LSS: variants seen among roughly 807,000 people sequenced by gnomAD.
LSS encodes the protein 2,3-epoxysqualene-lanosterol cyclase.
A neutral mutation model predicts 110.3 loss-of-function variants in LSS; 90 were observed. The observed-to-expected ratio is 0.82, with a 90% CI of 0.69 to 0.97. The LOEUF (loss-of-function observed/expected upper bound fraction) is 0.97. LSS is among the 50% of genes least tolerant of loss of function. The pLI is 0.00. For missense variants in LSS, 927 were observed against 990.0 expected (o/e 0.94, Z 0.85); for synonymous variants, 433 against 400.0 (o/e 1.08, Z -0.98).
rs927002557 is a variant in LSS, at chr21:46,208,434, A to C, written c.1267-133T>G. 16 of 796,932 alleles carry C rather than the reference A, an allele frequency of 2.0e-5. No homozygotes were observed. In the East Asian group the frequency reaches 4.0e-4, roughly 20 times the overall value. The allele number at this position is 796,932 out of a possible 1,614,324, so 49.4% of individuals were successfully genotyped here. A position where few individuals can be genotyped will look rare whatever the true frequency, so the allele number is the denominator to read the frequency against. ...TGCCTGGGAGCTTACTCTGCCGGCC[A>C]CAGCCACCACTGGTGCTGCGAGGCG... is the stretch of plus-strand genomic sequence containing the variant. On this transcript the variant is annotated intron_variant, in intron 13 of 21. Transcript: ENST00000397728.
chr21:46,195,607 G>T, intron 19 of LSS, 69 bp downstream of exon 19: 1 of 1,388,194 alleles, frequency 7.2e-7, no homozygotes, highest in Non-Finnish European at 1.0e-6. Context: ...AAATGTCAAA[G>T]CAAAAAACAC....
chr21:46,225,403 C>T (rs1601453140), intron 3 of LSS: 5 of 449,646 alleles, frequency 1.1e-5, no homozygotes, highest in East Asian at 1.4e-4. Context: ...CTAGCGGTAG[C>T]GTCAGTGTCA....
rs2079821581 is a variant in LSS at position 46,191,921 on chromosome 21, C to T, written c.2027G>A (p.Cys676Tyr). 1 of 1,613,664 alleles carries T rather than the reference C, an allele frequency of 6.2e-7. No homozygotes were observed. Reference protein sequence around the residue: ...DIEAQERGVRCLLEKQLPNGD... With the variant: ...DIEAQERGVRYLLEKQLPNGD... ...ATTGGGGAGCTGTTTCTCAAGTAGA[C>T]ACCGGACTCCTCTCTCCTGGGCCTC... The change falls in exon 21 of 22, where the codon TGT becomes TAT. Residue 676 changes from cysteine (C) to tyrosine (Y), a missense_variant. Cys to Tyr is a radical substitution (Grantham distance 194). Coordinates refer to ENST00000397728, the MANE Select transcript of LSS (RefSeq NM_002340.6).
Position 46,209,736 on chromosome 21 carries a change from C to T in LSS, c.1195-111G>A. The T allele has an allele frequency of 1.2e-6, 1 of 869,284 alleles. No individual in the cohort carries two copies. Among genetic ancestry groups the T allele is most frequent in the Middle Eastern group, 2.6e-4 (1 of 3,832 alleles). 53.8% of individuals were successfully genotyped at this position (869,284 alleles called of 1,614,324 possible). A position where few individuals can be genotyped will look rare whatever the true frequency, so the allele number is the denominator to read the frequency against. ...TCCTGCCCCAACCGGGGACCAGAAT[C>T]AAACCAGCAGACATCTCCAGAGAGT... On this transcript the variant is annotated intron_variant, in intron 12 of 21. Coordinates refer to ENST00000397728, the MANE Select transcript of LSS (RefSeq NM_002340.6). The surrounding 1 kb of genome is among the most constrained non-coding windows in gnomAD (Gnocchi z 4.4).
At chr21:46,214,501 G>A (rs1281854288) in intron 9 of LSS, among the ~76,000 whole-genome samples, 1 of 152,216 alleles carries the variant, frequency 6.6e-6, no homozygotes, top group Non-Finnish European at 1.5e-5. Context: ...GTCAGGGTGG[G>A]ACTCAGTGGC....
At chr21:46,191,817 G>A in intron 21 of LSS, 64 bp downstream of exon 21, 9 of 1,394,788 alleles carry the variant, frequency 6.5e-6, no homozygotes, top group Non-Finnish European at 9.0e-6. Flanking sequence ...GGGGGACGTG[G>A]AAACAGCCAT....
intron 9 of LSS, among the ~76,000 whole-genome samples, chr21:46,214,485 T>C (rs2080174004): frequency 2.0e-5 from 3 of 152,284 alleles, no homozygotes; most frequent in Admixed American, 1.3e-4. Context: ...AAATCCGAGA[T>C]GCAGTGTCAG....
Position 46,213,068 on chromosome 21 carries a change from A to G in LSS, c.1110-16T>C. The G allele has an allele frequency of 6.2e-7, 1 of 1,613,130 alleles. No individual in the cohort carries two copies. The highest frequency in any genetic ancestry group is 8.5e-7 in the Non-Finnish European group (1 of 1,179,872). ...AAGGCCCATCCTGTGAGGAGAAAAA[A>G]GCCCAAGTCAGGTGCAAGGAGAAAG... On this transcript the variant is annotated splice_polypyrimidine_tract_variant and intron_variant, in intron 10 of 21. Transcript: ENST00000397728.
rs553758341 is a variant in LSS at position 46,209,417 on chromosome 21, G to C, written c.1266+137C>G. ...ATGGAGCAGGGGCTAGGGAGGGGAT[G>C]GGAGGGTGGGGGTGACCTGAAACAC... On this transcript the variant is annotated intron_variant, in intron 13 of 21. Coordinates refer to ENST00000397728, the MANE Select transcript of LSS (RefSeq NM_002340.6). The surrounding 1 kb of genome is among the most constrained non-coding windows in gnomAD (Gnocchi z 4.4). 34 of 751,778 alleles carry C rather than the reference G, an allele frequency of 4.5e-5. No homozygotes were observed. The highest frequency in any genetic ancestry group is 4.4e-4 in the African/African-American group (25 of 56,658). 46.6% of individuals were successfully genotyped at this position (751,778 alleles called of 1,614,324 possible). A position where few individuals can be genotyped will look rare whatever the true frequency, so the allele number is the denominator to read the frequency against.
Position 46,216,613 on chromosome 21 carries a change from G to C in LSS, c.648-89C>G. On this transcript the variant is annotated intron_variant, in intron 6 of 21. Transcript: ENST00000397728. The surrounding 1 kb of genome is among the most constrained non-coding windows in gnomAD (Gnocchi z 4.2). ...CCATACCTTGGGCCCTTTCAAGCAC[G>C]AACACTGGTGGATGGCTATTCCCCA... 2.1e-6 allele frequency: 3 copies of C among 1,416,284 alleles called. No homozygotes were observed. The highest frequency in any genetic ancestry group is 1.9e-6 in the Non-Finnish European group (2 of 1,070,124). 87.7% of individuals were successfully genotyped at this position (1,416,284 alleles called of 1,614,324 possible).
intron 4 of LSS, 30 bp from the exon 5 acceptor site, chr21:46,222,005 G>A (rs141531033): frequency 6.8e-6 from 11 of 1,612,778 alleles, no homozygotes; most frequent in South Asian, 2.2e-5. Context: ...GTGAGAAACC[G>A]GTATCTGTCC....
chr21:46,209,053 TG>T lies in LSS; in HGVS notation c.1266+500del, dbSNP rs932816910. On this transcript the variant is annotated intron_variant, in intron 13 of 21. Coordinates refer to ENST00000397728, the MANE Select transcript of LSS (RefSeq NM_002340.6). The surrounding 1 kb of genome is among the most constrained non-coding windows in gnomAD (Gnocchi z 4.4). ...GTATGGGATGACTGTGGCTGCAGAC[TG>T]GGGTGCAGGCACGTGTGAGAGACAC... Among the ~76,000 whole-genome samples, 1 of 152,056 alleles carries T rather than the reference TG, an allele frequency of 6.6e-6. No homozygotes were observed. Among genetic ancestry groups the T allele is most frequent in the African/African-American group, 2.4e-5 (1 of 41,394 alleles).
At chr21:46,210,620 G>C (rs1480612310) in intron 12 of LSS, 68 bp downstream of exon 12, 2 of 1,484,748 alleles carry the variant, frequency 1.3e-6, no homozygotes, top group African/African-American at 1.4e-5. Flanking sequence ...GCTGCCCTCA[G>C]GTGGATGCGT....
rs766671898 is a variant in LSS, at chr21:46,222,006, G to GT, written c.429-32dup. The stretch of plus-strand genomic sequence containing the variant: ...GGAGCAGAGGACAGGTGAGAAACCG[G>GT]TATCTGTCCTTACTTCTAAGAAATA... On this transcript the variant is annotated intron_variant, in intron 4 of 21. Coordinates refer to ENST00000397728, the MANE Select transcript of LSS (RefSeq NM_002340.6). 3.7e-6 allele frequency: 6 copies of GT among 1,611,796 alleles called. No individual in the cohort carries two copies. The East Asian group carries it at 6.7e-5, about 18-fold the overall frequency.
rs1322942780 is a variant in LSS, at chr21:46,216,967, A to G, written c.648-443T>C. Among the ~76,000 whole-genome samples, 1 of 152,066 alleles carries G rather than the reference A, an allele frequency of 6.6e-6. No individual in the cohort carries two copies. Among genetic ancestry groups the G allele is most frequent in the Non-Finnish European group, 1.5e-5 (1 of 67,986 alleles). On this transcript the variant is annotated intron_variant, in intron 6 of 21. Transcript: ENST00000397728. This position sits in a 1 kb window ranked among gnomAD's most constrained non-coding sequence, Gnocchi z 4.2. ...AAAAGTGTATTTAAGAAACTTTAGGAGGGGCACGGTGGCTCACGCCTGTAA... is the reference window on the plus strand; with the variant it reads ...AAAAGTGTATTTAAGAAACTTTAGGGGGGGCACGGTGGCTCACGCCTGTAA...
chr21:46,196,022 G>A (rs1422912472), intron 18 of LSS, among the ~76,000 whole-genome samples, 180 bp downstream of exon 18: 9 of 152,238 alleles, frequency 5.9e-5, no homozygotes, highest in African/African-American at 2.2e-4. Context: ...TTCCACCGGG[G>A]CAAAGGCCAC....
chr21:46,215,268 C>G lies in LSS; in HGVS notation c.923G>C (p.Ser308Thr). 1 of 1,610,556 alleles carries G rather than the reference C, an allele frequency of 6.2e-7. No individual in the cohort carries two copies. The highest frequency in any genetic ancestry group is 1.7e-5 in the Admixed American group (1 of 59,972). ...CACGGCCCGCTGCCGCAGGTGGGCA[C>G]TGTGGTGGTGCTCATACAGGTTGAG... The part of the protein sequence containing the change: ...ALLNLYEHHH[S>T]AHLRQRAVQK... The change falls in exon 9 of 22, where the codon AGT becomes ACT. Residue 308 changes from serine (S) to threonine (T), a missense_variant. Ser to Thr is a moderately conservative substitution (Grantham distance 58). Coordinates refer to ENST00000397728, the MANE Select transcript of LSS (RefSeq NM_002340.6).
chr21:46,200,392 A>T (rs2156115), intron 17 of LSS, among the ~76,000 whole-genome samples: 56 of 151,398 alleles, frequency 3.7e-4, no homozygotes, highest in African/African-American at 1.2e-3. Context: ...CCCCACAAAG[A>T]AAAAAAAAGC....
At position 46,209,678 on chromosome 21, in the gene LSS, G is replaced by A. The variant is rs1360545248; in HGVS notation, c.1195-53C>T. 4.7e-6 allele frequency: 7 copies of A among 1,503,798 alleles called. No individual in the cohort carries two copies. Among genetic ancestry groups the A allele is most frequent in the Admixed American group, 1.9e-5 (1 of 53,872 alleles). 93.2% of individuals were successfully genotyped at this position (1,503,798 alleles called of 1,614,324 possible). ...TCAGCTGCCCTTGCACGGCCAGCATGGCTGCGCTGGTTTCCCGATGGTCCT... is the reference window on the plus strand; with the variant it reads ...TCAGCTGCCCTTGCACGGCCAGCATAGCTGCGCTGGTTTCCCGATGGTCCT... On this transcript the variant is annotated intron_variant, in intron 12 of 21. Transcript: ENST00000397728. This position sits in a 1 kb window ranked among gnomAD's most constrained non-coding sequence, Gnocchi z 4.4.
Sources: allele counts gnomAD v4.1 joint callset (sites outside exome capture counted in the v4.1 genomes callset), GRCh38; gene constraint gnomAD v4.1.1; non-coding constraint Gnocchi (gnomAD v3.1); transcripts MANE v1.5; gene names NCBI Gene and HGNC (gene_info 2026-07-23, HGNC 2026-07-21).